Variants in LGMN observed in about 807,000 individuals in gnomAD.
The protein encoded by LGMN is legumain, also known as asparaginyl endopeptidase.
LGMN carries 36 observed loss-of-function variants against 56.8 expected under a neutral mutation model. That is an observed-to-expected ratio of 0.63 (90% CI 0.49 to 0.84). The LOEUF is 0.84. LGMN is among the 40% of genes least tolerant of loss of function. The pLI is 0.00. For missense variants in LGMN, 446 were observed against 556.1 expected, an observed-to-expected ratio of 0.80 and a Z score of 1.99; for synonymous variants, 199 against 210.1, an observed-to-expected ratio of 0.95 and a Z score of 0.46.
At position 92,712,882 on chromosome 14, in the gene LGMN, G is replaced by A. The variant is rs1889864557; in HGVS notation, c.544-11C>T. 1 of 1,612,900 alleles carries A rather than the reference G, an allele frequency of 6.2e-7. No homozygotes were observed. The highest frequency in any genetic ancestry group is 1.3e-5 in the African/African-American group (1 of 74,914). ...AATGTAGAACACCATCTGTGAGGCA[G>A]ACGGGGCAGGTGAGCTCACCCCATC... On this transcript the variant is annotated splice_polypyrimidine_tract_variant and intron_variant, in intron 7 of 13. Transcript: ENST00000334869.
At chr14:92,729,900 A>C (rs1323624778) in intron 2 of LGMN, among the ~76,000 whole-genome samples, 1 of 152,160 alleles carries the variant, frequency 6.6e-6, no homozygotes, top group Non-Finnish European at 1.5e-5. Context: ...GGGGACGAAT[A>C]TTTCAGTCTG....
chr14:92,724,181 A>C (rs1334634122), intron 2 of LGMN, among the ~76,000 whole-genome samples: 1 of 152,234 alleles, frequency 6.6e-6, no homozygotes, highest in Non-Finnish European at 1.5e-5. Context: ...AGGCCTCAAT[A>C]AAGTTATATA....
intron 5 of LGMN, 58 bp downstream of exon 5, chr14:92,716,078 C>A: frequency 2.6e-6 from 3 of 1,152,058 alleles, no homozygotes; most frequent in Non-Finnish European, 3.8e-6. Flanking sequence ...TGTTTCAATT[C>A]TCTATACGGG....
At chr14:92,739,832 C>G (rs573145703) in intron 1 of LGMN, among the ~76,000 whole-genome samples, 2 of 152,186 alleles carry the variant, frequency 1.3e-5, no homozygotes, top group Non-Finnish European at 2.9e-5. Flanking sequence ...TAAGGCAGAT[C>G]GTAACGTGCC....
At chr14:92,724,327 C>T (rs1403753157) in intron 2 of LGMN, among the ~76,000 whole-genome samples, 1 of 152,184 alleles carries the variant, frequency 6.6e-6, no homozygotes, top group East Asian at 1.9e-4. Flanking sequence ...CCATGGCTGA[C>T]CCCAACTGTG....
chr14:92,707,932 A>G (rs1049414827), intron 11 of LGMN, among the ~76,000 whole-genome samples: 1 of 152,156 alleles, frequency 6.6e-6, no homozygotes, highest in Non-Finnish European at 1.5e-5. Context: ...CAGGTGGATC[A>G]CTTGAGGCCA....
chr14:92,732,902 G>T, intron 1 of LGMN, 87 bp from the exon 2 acceptor site: 1 of 1,078,276 alleles, frequency 9.3e-7, no homozygotes, highest in Non-Finnish European at 1.3e-6. Context: ...TGTAATTCCA[G>T]CACTTTGGGA....
At position 92,706,469 on chromosome 14, in the gene LGMN, G is replaced by A; in HGVS notation, c.1191+14C>T. 1 of 1,507,072 alleles carries A rather than the reference G, an allele frequency of 6.6e-7. No individual in the cohort carries two copies. The highest frequency in any genetic ancestry group is 9.0e-7 in the Non-Finnish European group (1 of 1,113,490). The allele number at this position is 1,507,072 out of a possible 1,614,324, so 93.4% of individuals were successfully genotyped here. On this transcript the variant is annotated intron_variant, in intron 12 of 13. Coordinates refer to ENST00000334869, the MANE Select transcript of LGMN (RefSeq NM_005606.7). ...CTTCTGGATTCTGGTCATGGGGAGAGCCTGCTGGCTCACCGTGGGGGAGTG... is the reference window on the plus strand; with the variant it reads ...CTTCTGGATTCTGGTCATGGGGAGAACCTGCTGGCTCACCGTGGGGGAGTG...
At chr14:92,720,725 T>G (rs767812712) in intron 2 of LGMN, among the ~76,000 whole-genome samples, 2 of 152,158 alleles carry the variant, frequency 1.3e-5, no homozygotes, top group Admixed American at 1.3e-4. Flanking sequence ...CCAAAGGATG[T>G]CCACATCCTA....
At chr14:92,718,351 A>T (rs938973244) in intron 3 of LGMN, among the ~76,000 whole-genome samples, 4 of 152,156 alleles carry the variant, frequency 2.6e-5, no homozygotes, top group Non-Finnish European at 5.9e-5. Context: ...AGGCAGCCGG[A>T]TCACTTGAGG....
intron 2 of LGMN, among the ~76,000 whole-genome samples, chr14:92,720,003 C>T (rs1890372326): frequency 6.6e-6 from 1 of 152,202 alleles, no homozygotes; most frequent in Non-Finnish European, 1.5e-5. Context: ...CTGAGCACAG[C>T]AATAAAACTA....
chr14:92,707,628 T>C (rs1889509629), intron 11 of LGMN, among the ~76,000 whole-genome samples: 1 of 152,216 alleles, frequency 6.6e-6, no homozygotes, highest in African/African-American at 2.4e-5. Context: ...TTTTGGAAAA[T>C]GGTTATTTCT....
intron 11 of LGMN, 83 bp downstream of exon 11, chr14:92,709,589 T>C: frequency 9.1e-7 from 1 of 1,095,904 alleles, no homozygotes; most frequent in Non-Finnish European, 1.4e-6. Flanking sequence ...GCAGGGAGCA[T>C]AGGAGGCAGG....
chr14:92,726,970 T>C (rs1380170045), intron 2 of LGMN, among the ~76,000 whole-genome samples: 1 of 152,218 alleles, frequency 6.6e-6, no homozygotes, highest in Non-Finnish European at 1.5e-5. Flanking sequence ...CAAGAAAAGA[T>C]GTGCATCTGA....
At chr14:92,711,774 C>T in intron 9 of LGMN, 26 bp from the exon 10 acceptor site, 1 of 1,612,564 alleles carries the variant, frequency 6.2e-7, no homozygotes, top group Non-Finnish European at 8.5e-7. Context: ...CCATTAGAGA[C>T]CTTTGACAAT....
intron 3 of LGMN, 115 bp from the exon 4 acceptor site, chr14:92,717,576 C>A: frequency 1.3e-6 from 1 of 745,740 alleles, no homozygotes; most frequent in Non-Finnish European, 2.3e-6. Context: ...GTCAAAGAAA[C>A]AACTTATGGC....
At chr14:92,721,671 C>T (rs1667848375) in intron 2 of LGMN, among the ~76,000 whole-genome samples, 1 of 152,210 alleles carries the variant, frequency 6.6e-6, no homozygotes, top group South Asian at 2.1e-4. Context: ...AAAACTCTAT[C>T]TCCCACAGAT....
Position 92,717,365 on chromosome 14 carries a change from G to A in LGMN, c.318+15C>T, listed in dbSNP as rs373388058. 3.7e-5 allele frequency: 56 copies of A among 1,521,300 alleles called. No individual in the cohort carries two copies. The highest frequency in any genetic ancestry group is 4.7e-5 in the Non-Finnish European group (52 of 1,110,852). 94.2% of individuals were successfully genotyped at this position (1,521,300 alleles called of 1,614,324 possible). On this transcript the variant is annotated intron_variant, in intron 4 of 13. Coordinates refer to ENST00000334869, the MANE Select transcript of LGMN (RefSeq NM_005606.7). ...AAAACTAAACCAGCTGGCTCCAACC[G>A]TAGAAGCCACTCACCTCTCCAGTGT... is the stretch of plus-strand genomic sequence containing the variant.
At chr14:92,715,063 A>C (rs1308868934) in intron 5 of LGMN, among the ~76,000 whole-genome samples, 1 of 141,506 alleles carries the variant, frequency 7.1e-6, no homozygotes, top group East Asian at 2.1e-4. Context: ...CAATGGCATG[A>C]TCTCAGCTCA....
Sources: gnomAD v4.1 joint callset for allele counts (sites outside exome capture counted in the v4.1 genomes callset) on GRCh38, gnomAD v4.1.1 for gene constraint, MANE v1.5 for transcripts, NCBI Gene and HGNC (gene_info 2026-07-23, HGNC 2026-07-21) for gene names.